Variants in UBAC2 observed in about 807,000 individuals in gnomAD.
UBAC2 encodes UBA domain containing 2.
Under a neutral mutation model 44.0 loss-of-function variants are expected in UBAC2, and 26 were observed. The ratio of observed to expected loss-of-function variants is 0.59; its 90% CI spans 0.43 to 0.82. The LOEUF is 0.82. Among genes scored for constraint, UBAC2 ranks in the 40% least tolerant of loss-of-function variants. The pLI is 0.00. For synonymous variants in UBAC2, 155 were observed against 154.3 expected (o/e 1.00, Z -0.04); for missense variants, 329 against 419.4 (o/e 0.78, Z 1.88).
chr13:99,205,822 G>A (rs538558241), intron 1 of UBAC2: 7 of 164,602 alleles, frequency 4.3e-5, no homozygotes, highest in Non-Finnish European at 9.7e-5. Flanking sequence ...TTCCATGTGC[G>A]TCCCTCCCGA....
chr13:99,279,499 A>G (rs918335847), intron 4 of UBAC2, among the ~76,000 whole-genome samples: 2 of 152,202 alleles, frequency 1.3e-5, no homozygotes, highest in African/African-American at 4.8e-5. Context: ...CACTATAGAT[A>G]GTAAATAAGA....
intron 4 of UBAC2, among the ~76,000 whole-genome samples, chr13:99,272,218 C>T (rs2043824799): frequency 6.6e-6 from 1 of 152,134 alleles, no homozygotes; most frequent in South Asian, 2.1e-4. Context: ...GCCTTGTGGG[C>T]CACTAAAGCA....
In UBAC2 at chr13:99,293,661, A is replaced by G. The variant is rs17471994; in HGVS notation, c.390-20436A>G. Among the ~76,000 whole-genome samples the G allele has an allele frequency of 6.9e-3, 1,051 of 152,320 alleles. 10 individuals carry two copies. The highest frequency in any genetic ancestry group is 0.011 in the Non-Finnish European group (721 of 68,024). On this transcript the variant is annotated intron_variant, in intron 4 of 8. Transcript: ENST00000403766. ...CAAAGACCAGTGCCTATTTTTGACA[A>G]TGGCTTTAAAATCAGGTGGCTCTTT... is the stretch of plus-strand genomic sequence containing the variant.
Position 99,227,780 on chromosome 13 carries a change from A to T in UBAC2, c.32-10647A>T, listed in dbSNP as rs537720804. The stretch of plus-strand genomic sequence containing the variant: ...TAGAATAATGCATGGTACAGCGTGG[A>T]TGCCTACTCATATTTAGAGAATGAT... On this transcript the variant is annotated intron_variant, in intron 1 of 8. Coordinates refer to ENST00000403766, the MANE Select transcript of UBAC2 (RefSeq NM_001144072.2). Among the ~76,000 whole-genome samples, 4 of 152,326 alleles carry T rather than the reference A, an allele frequency of 2.6e-5. No individual in the cohort carries two copies. In the East Asian group the frequency reaches 7.7e-4, roughly 29 times the overall value.
intron 1 of UBAC2, chr13:99,201,395 C>T (rs751782083): frequency 8.2e-5 from 131 of 1,605,602 alleles, no homozygotes; most frequent in Non-Finnish European, 9.6e-5. Flanking sequence ...AGAAGCTGAC[C>T]TCTCAGTTTC....
intron 7 of UBAC2, among the ~76,000 whole-genome samples, chr13:99,341,423 G>A (rs114594673): frequency 1.3e-5 from 2 of 150,512 alleles, no homozygotes; most frequent in African/African-American, 4.9e-5. Context: ...ATATCAGGGG[G>A]GGGGAGGAAG....
At chr13:99,256,011 G>T in intron 4 of UBAC2, 2 of 732,362 alleles carry the variant, frequency 2.7e-6, no homozygotes, top group African/African-American at 1.8e-5. Flanking sequence ...AAGTTCGAGA[G>T]CATTTAATCA....
intron 7 of UBAC2, chr13:99,351,514 GT>G (rs2045088523): frequency 2.2e-6 from 1 of 456,610 alleles, no homozygotes; most frequent in African/African-American, 2.0e-5. Context: ...GCTGTAGAAG[GT>G]TATATAGCCA....
intron 7 of UBAC2, among the ~76,000 whole-genome samples, chr13:99,342,798 G>A (rs945124496): frequency 6.6e-6 from 1 of 152,228 alleles, no homozygotes; most frequent in Non-Finnish European, 1.5e-5. Flanking sequence ...ATGCCCAGCA[G>A]ATCCACACGT....
intron 4 of UBAC2, among the ~76,000 whole-genome samples, chr13:99,269,293 A>G (rs965409400): frequency 1.3e-5 from 2 of 152,208 alleles, no homozygotes; most frequent in African/African-American, 4.8e-5. Flanking sequence ...TGTGAGATTC[A>G]TAAGTAGGCT....
chr13:99,276,187 T>A (rs2138674761), intron 4 of UBAC2, among the ~76,000 whole-genome samples: 1 of 152,290 alleles, frequency 6.6e-6, no homozygotes, highest in Middle Eastern at 3.4e-3. Flanking sequence ...CAAGTAGTAC[T>A]CCAGTTCTTC....
At chr13:99,220,791 C>T (rs1348955188) in intron 1 of UBAC2, among the ~76,000 whole-genome samples, 1 of 152,050 alleles carries the variant, frequency 6.6e-6, no homozygotes, top group Non-Finnish European at 1.5e-5. Flanking sequence ...CTTGCCCCAT[C>T]TCAGTGCATA....
intron 4 of UBAC2, among the ~76,000 whole-genome samples, chr13:99,297,308 A>G (rs2044190983): frequency 6.6e-6 from 1 of 152,176 alleles, no homozygotes; most frequent in African/African-American, 2.4e-5. Flanking sequence ...AACTGTGTGT[A>G]CATAAATCTC....
chr13:99,201,787 G>T (rs2042804255), intron 1 of UBAC2, among the ~76,000 whole-genome samples: 1 of 152,164 alleles, frequency 6.6e-6, no homozygotes, highest in South Asian at 2.1e-4. Flanking sequence ...TTAAAGATCT[G>T]TTGGCCGGGC....
chr13:99,318,506 T>G (rs2044523998), intron 6 of UBAC2, among the ~76,000 whole-genome samples: 1 of 150,760 alleles, frequency 6.6e-6, no homozygotes, highest in Non-Finnish European at 1.5e-5. Context: ...TGGCTCAATG[T>G]TACTTCTGTG....
intron 7 of UBAC2, among the ~76,000 whole-genome samples, chr13:99,365,467 C>T (rs1403055402): frequency 6.6e-6 from 1 of 151,956 alleles, no homozygotes; most frequent in Non-Finnish European, 1.5e-5. Context: ...TTATTACATC[C>T]CATAAACTTT....
chr13:99,325,512 A>G (rs1473081402), intron 6 of UBAC2, among the ~76,000 whole-genome samples: 1 of 152,178 alleles, frequency 6.6e-6, no homozygotes, highest in African/African-American at 2.4e-5. Context: ...TACTCATTTA[A>G]GTCCTGGCCC....
At chr13:99,201,354 GC>G in intron 1 of UBAC2, 1 of 1,556,880 alleles carries the variant, frequency 6.4e-7, no homozygotes, top group Non-Finnish European at 8.7e-7. Flanking sequence ...AACTCCCCCC[GC>G]CCCCACTTGC....
rs149194891 is a variant in UBAC2 at position 99,299,772 on chromosome 13, C to T, written c.390-14325C>T. Among the ~76,000 whole-genome samples, 575 of 152,244 alleles carry T rather than the reference C, an allele frequency of 3.8e-3. 6 individuals are homozygous for T. Among genetic ancestry groups the T allele is most frequent in the South Asian group, 0.011 (52 of 4,824 alleles). On this transcript the variant is annotated intron_variant, in intron 4 of 8. Transcript: ENST00000403766. ...TTTGCATTGTGTCATCATGTAGAAA[C>T]CTCACAGCAGCCCTATGAGCTTGAG...
Sources: allele counts gnomAD v4.1 joint callset (sites outside exome capture counted in the v4.1 genomes callset), GRCh38; gene constraint gnomAD v4.1.1; transcripts MANE v1.5; gene names NCBI Gene and HGNC (gene_info 2026-07-23, HGNC 2026-07-21).